The following SELENOH variants were observed in gnomAD, a reference collection of about 807,000 sequenced individuals.
The protein encoded by SELENOH is selenoprotein H.
A neutral mutation model predicts 11.9 loss-of-function variants in SELENOH; 13 were observed. The ratio of observed to expected loss-of-function variants is 1.09; its 90% CI spans 0.71 to 1.74. SELENOH has a LOEUF of 1.74. Among genes scored for constraint, SELENOH ranks in the 40% most tolerant of loss-of-function variants. The pLI, the probability that SELENOH is intolerant of heterozygous loss-of-function variation, is 0.00. For missense variants in SELENOH, 223 were observed against 170.3 expected (o/e 1.31, Z -1.72); for synonymous variants, 96 against 73.5 (o/e 1.31, Z -1.56).
At chr11:57,742,463 C>T (rs763391302) in intron 3 of SELENOH, 113 of 493,716 alleles carry the variant, frequency 2.3e-4, no homozygotes, top group Non-Finnish European at 3.9e-4. Flanking sequence ...CTAGTGTGCC[C>T]TAAGTGGAAT....
rs369423807 is a variant in SELENOH, at chr11:57,741,674, G to A, written c.79G>A (p.Gly27Ser). 23 of 1,463,168 alleles carry A rather than the reference G, an allele frequency of 1.6e-5. No homozygotes were observed. The highest frequency in any genetic ancestry group is 8.4e-5 in the South Asian group (6 of 71,784). The allele number at this position is 1,463,168 out of a possible 1,614,324, so 90.6% of individuals were successfully genotyped here. A position where few individuals can be genotyped will look rare whatever the true frequency, so the allele number is the denominator to read the frequency against. The change falls in exon 1 of 4, where the codon GGC becomes AGC. Residue 27 changes from glycine to serine, a missense_variant. Transcript: ENST00000534355. ...CGAGAAGCGAGAGAAGCTGGCGAAC[G>A]GCGGGGAGGGAATGGAGGAGGCGAC... ...VAEKREKLAN[G>S]GEGMEEATVV... is the part of the protein sequence containing the mutation.
chr11:57,742,076 G>A (rs1244381421), intron 2 of SELENOH, 41 bp from the exon 3 acceptor site: 3 of 1,593,950 alleles, frequency 1.9e-6, no homozygotes, highest in Non-Finnish European at 2.6e-6. Flanking sequence ...GTGCTCGTGG[G>A]TTCCGAAGTA....
rs1949133673 is a variant in SELENOH, at chr11:57,743,474, T to G, written c.*642T>G. 6.6e-6 allele frequency: 1 copy of G among 152,206 alleles called. No homozygotes were observed. Among genetic ancestry groups the G allele is most frequent in the Non-Finnish European group, 1.5e-5 (1 of 68,052 alleles). The allele number at this position is 152,206 out of a possible 1,614,324, so 9.4% of individuals were successfully genotyped here. On this transcript the variant is annotated 3_prime_UTR_variant, in exon 4 of 4. Coordinates refer to ENST00000534355, the MANE Select transcript of SELENOH (RefSeq NM_170746.4). ...ACCGCACCTGGCCTGACCTGCAACT[T>G]TTATGATCTCTGGTAAAACATGAGA... is the stretch of plus-strand genomic sequence containing the variant.
At position 57,741,896 on chromosome 11, in the gene SELENOH, C is replaced by G. The variant is rs537644420; in HGVS notation, c.210C>G (p.Asn70Lys). Residue 70 changes from asparagine to lysine, a missense_variant, in exon 2 of 4, where the codon AAC becomes AAG. Physicochemically the swap from Asn to Lys is moderately conservative, Grantham distance 94. Transcript: ENST00000534355. ...LEAPELPVKV[N>K]PTKPRRGSFE... The stretch of plus-strand genomic sequence containing the variant: ...CCCCAGAGCTTCCAGTAAAGGTGAA[C>G]CCGACGAAGCCCCGGAGGGGCAGCT... 5.0e-6 allele frequency: 8 copies of G among 1,593,864 alleles called. No individual in the cohort carries two copies. In the East Asian group the frequency reaches 1.8e-4, roughly 36 times the overall value.
In SELENOH at chr11:57,741,688, G is replaced by A; in HGVS notation, c.93G>A (p.Met31Ile). The part of the protein sequence containing the change: ...REKLANGGEG[M>I]EEATVVIEHC... ...AGCTGGCGAACGGCGGGGAGGGAAT[G>A]GAGGAGGCGACCGTTGTTATCGAGC... Residue 31 changes from methionine to isoleucine, a missense_variant, in exon 1 of 4, where the codon ATG (methionine) becomes ATA (isoleucine). Coordinates refer to ENST00000534355, the MANE Select transcript of SELENOH (RefSeq NM_170746.4). 6.6e-7 allele frequency: 1 copy of A among 1,519,916 alleles called. No individual in the cohort carries two copies. The highest frequency in any genetic ancestry group is 8.8e-7 in the Non-Finnish European group (1 of 1,136,608). 94.2% of individuals were successfully genotyped at this position (1,519,916 alleles called of 1,614,324 possible). A position where few individuals can be genotyped will look rare whatever the true frequency, so the allele number is the denominator to read the frequency against.
intron 3 of SELENOH, 60 bp downstream of exon 3, chr11:57,742,307 G>C (rs1013055950): frequency 1.5e-6 from 2 of 1,301,670 alleles, no homozygotes; most frequent in Non-Finnish European, 2.2e-6. Flanking sequence ...ATTGATCTTG[G>C]TGTGGCTACA....
At chr11:57,742,324 C>G in intron 3 of SELENOH, 77 bp downstream of exon 3, 1 of 1,129,274 alleles carries the variant, frequency 8.9e-7, no homozygotes, top group Non-Finnish European at 1.3e-6. Flanking sequence ...TACAAGTACC[C>G]ACCTGGCGTG....
intron 3 of SELENOH, 46 bp downstream of exon 3, chr11:57,742,293 A>T: frequency 7.2e-7 from 1 of 1,379,330 alleles, no homozygotes; most frequent in Middle Eastern, 2.2e-4. Flanking sequence ...GAGGAAGAGA[A>T]GGCATTGATC....
rs779812647 is a variant in SELENOH, at chr11:57,741,796, C to A, written c.123-13C>A. On this transcript the variant is annotated splice_polypyrimidine_tract_variant and intron_variant, in intron 1 of 3. Coordinates refer to ENST00000534355, the MANE Select transcript of SELENOH (RefSeq NM_170746.4). ...CAGGGGCCCCGGTTTCTAACCTCTC[C>A]GTCTCTCCCTAGCACTAGCTGACGC... 28 of 1,604,038 alleles carry A rather than the reference C, an allele frequency of 1.7e-5. No homozygotes were observed. The African/African-American group carries it at 3.3e-4, about 19-fold the overall frequency.
chr11:57,741,920 C>T lies in SELENOH; in HGVS notation c.234C>T (p.Ser78=), dbSNP rs1425910448. The T allele has an allele frequency of 6.3e-7, 1 of 1,591,694 alleles. No homozygotes were observed. Among genetic ancestry groups the T allele is most frequent in the Non-Finnish European group, 8.5e-7 (1 of 1,173,614 alleles). ...ACCCGACGAAGCCCCGGAGGGGCAG[C>T]TTCGAGGTGACGCTGCTGCGCCCGG... The part of the protein sequence containing the change: ...KVNPTKPRRG[S]FEVTLLRPDG... Residue 78 remains serine (S), a synonymous_variant, in exon 2 of 4, where the codon AGC becomes AGT. Coordinates refer to ENST00000534355, the MANE Select transcript of SELENOH (RefSeq NM_170746.4).
At chr11:57,742,084 G>A in intron 2 of SELENOH, 33 bp from the exon 3 acceptor site, 1 of 1,599,078 alleles carries the variant, frequency 6.3e-7, no homozygotes. Flanking sequence ...GGGTTCCGAA[G>A]TATTGTAACT....
Position 57,743,160 on chromosome 11 carries a change from T to C in SELENOH, c.*328T>C, listed in dbSNP as rs907698890. ...GTGACCTGGAACTTTTAAAAAAAAATTTTTTTTTAAGAGCCAGAGTCTCAC... is the reference window on the plus strand; with the variant it reads ...GTGACCTGGAACTTTTAAAAAAAAACTTTTTTTTAAGAGCCAGAGTCTCAC... On this transcript the variant is annotated 3_prime_UTR_variant, in exon 4 of 4. Transcript: ENST00000534355. 1 of 150,450 alleles carries C rather than the reference T, an allele frequency of 6.6e-6. No individual in the cohort carries two copies. The highest frequency in any genetic ancestry group is 2.5e-5 in the African/African-American group (1 of 40,164). 9.3% of individuals were successfully genotyped at this position (150,450 alleles called of 1,614,324 possible). A position where few individuals can be genotyped will look rare whatever the true frequency, so the allele number is the denominator to read the frequency against.
chr11:57,741,764 G>A (rs756702621), intron 1 of SELENOH, 45 bp from the exon 2 acceptor site: 3 of 1,600,502 alleles, frequency 1.9e-6, no homozygotes, highest in Admixed American at 1.7e-5. Context: ...GTGGCGCCGG[G>A]GGGGGCCAGG....
Position 57,741,892 on chromosome 11 carries a change from T to C in SELENOH, c.206T>C (p.Val69Ala), listed in dbSNP as rs1388937383. 6.3e-7 allele frequency: 1 copy of C among 1,594,538 alleles called. No homozygotes were observed. Among genetic ancestry groups the C allele is most frequent in the Non-Finnish European group, 8.5e-7 (1 of 1,174,772 alleles). ...GAGGCCCCAGAGCTTCCAGTAAAGG[T>C]GAACCCGACGAAGCCCCGGAGGGGC... ...RLEAPELPVK[V>A]NPTKPRRGSF... Residue 69 changes from valine (V) to alanine (A), a missense_variant, in exon 2 of 4, where the codon GTG becomes GCG. By Grantham distance (64) the Val-to-Ala change is moderately conservative. Coordinates refer to ENST00000534355, the MANE Select transcript of SELENOH (RefSeq NM_170746.4).
Position 57,741,840 on chromosome 11 carries a change from G to C in SELENOH, c.154G>C (p.Ala52Pro). 6.2e-7 allele frequency: 1 copy of C among 1,605,850 alleles called. No homozygotes were observed. Among genetic ancestry groups the C allele is most frequent in the Non-Finnish European group, 8.5e-7 (1 of 1,176,662 alleles). ...TSURVYGRNAAALSQALRLEA... is the reference protein window; with the variant it reads ...TSURVYGRNAPALSQALRLEA... ...CTGACGCGTCTATGGGCGCAACGCCGCGGCCCTGAGCCAGGCGCTGCGCCT... is the reference window on the plus strand; with the variant it reads ...CTGACGCGTCTATGGGCGCAACGCCCCGGCCCTGAGCCAGGCGCTGCGCCT... Residue 52 changes from alanine (A) to proline (P), a missense_variant, in exon 2 of 4, where the codon GCG (alanine) becomes CCG (proline). Coordinates refer to ENST00000534355, the MANE Select transcript of SELENOH (RefSeq NM_170746.4).
intron 3 of SELENOH, chr11:57,742,617 T>A (rs907351300): frequency 3.8e-4 from 86 of 224,672 alleles, no homozygotes; most frequent in Non-Finnish European, 7.5e-4. Context: ...CTGTCCTGTG[T>A]TAACACTGCA....
At position 57,743,340 on chromosome 11, in the gene SELENOH, G is replaced by A. The variant is rs1328494773; in HGVS notation, c.*508G>A. On this transcript the variant is annotated 3_prime_UTR_variant, in exon 4 of 4. Coordinates refer to ENST00000534355, the MANE Select transcript of SELENOH (RefSeq NM_170746.4). ...GCTAATTTTTTTATTTTTATTTTTA[G>A]TAAAGGCGGGGTTTCACCATGTTGG... The A allele has an allele frequency of 6.6e-6, 1 of 151,864 alleles. No homozygotes were observed. The highest frequency in any genetic ancestry group is 2.4e-5 in the African/African-American group (1 of 41,312). The allele number at this position is 151,864 out of a possible 1,614,324, so 9.4% of individuals were successfully genotyped here.
chr11:57,742,061 G>C (rs1949097776), intron 2 of SELENOH, 56 bp from the exon 3 acceptor site: 1 of 1,589,922 alleles, frequency 6.3e-7, no homozygotes, highest in East Asian at 2.3e-5. Flanking sequence ...CATGACTTCA[G>C]AGACGTGCTC....
intron 3 of SELENOH, 165 bp downstream of exon 3, chr11:57,742,412 G>GAAAACAA: frequency 1.7e-6 from 1 of 586,536 alleles, no homozygotes; most frequent in Non-Finnish European, 3.0e-6. Context: ...GACCCTATTT[G>GAAAACAA]AAAACAAAAA....
Sources: allele counts gnomAD v4.1 joint callset, GRCh38; gene constraint gnomAD v4.1.1; transcripts MANE v1.5; gene names NCBI Gene and HGNC (gene_info 2026-07-23, HGNC 2026-07-21).